Variants in SYCP2 observed in about 807,000 individuals in gnomAD.
SYCP2 encodes synaptonemal complex lateral element protein.
In SYCP2, 55 loss-of-function variants were observed where a neutral mutation model predicts 211.3. The ratio of observed to expected loss-of-function variants is 0.26; its 90% CI spans 0.21 to 0.33. The LOEUF is 0.33. SYCP2 is among the 10% of genes least tolerant of loss of function. SYCP2 has a pLI of 1.00. For synonymous variants in SYCP2, 570 were observed against 555.2 expected, an observed-to-expected ratio of 1.03 and a Z score of -0.37; for missense variants, 1,731 against 1,752.0, an observed-to-expected ratio of 0.99 and a Z score of 0.21.
chr20:59,899,294 A>G (rs1568950437), intron 18 of SYCP2, among the ~76,000 whole-genome samples: 1 of 152,246 alleles, frequency 6.6e-6, no homozygotes, highest in Non-Finnish European at 1.5e-5. Context: ...GAACAGTAGT[A>G]TTACTGAAAT....
Position 59,910,374 on chromosome 20 carries a change from A to ATTTTTTTTT in SYCP2, c.972+1367_972+1375dup, listed in dbSNP as rs898302276. 2.6e-3 allele frequency among the ~76,000 whole-genome samples: 198 copies of ATTTTTTTTT among 76,232 alleles called. 27 individuals carry two copies. The highest frequency in any genetic ancestry group is 7.9e-3 in the African/African-American group (133 of 16,900). The allele number at this position is 76,232 out of a possible 152,430, so 50.0% of individuals were successfully genotyped here. A position where few individuals can be genotyped will look rare whatever the true frequency, so the allele number is the denominator to read the frequency against. On this transcript the variant is annotated intron_variant, in intron 14 of 44. Coordinates refer to ENST00000357552, the MANE Select transcript of SYCP2 (RefSeq NM_014258.4). ...GTATACTGCTATAGTGTAATTGCTT[A>ATTTTTTTTT]TTTTTTTTTTTTTTTTTTTTTTTTT...
In SYCP2 at chr20:59,915,193, A is replaced by G. The variant is rs2060413611; in HGVS notation, c.606T>C (p.Ser202=). Residue 202 remains serine, a synonymous_variant, in exon 10 of 45, where the codon AGT becomes AGC. Coordinates refer to ENST00000357552, the MANE Select transcript of SYCP2 (RefSeq NM_014258.4). The part of the protein sequence containing the change: ...SNQEMLILMS[S]MGERILDAGD... Reference sequence around the variant, plus strand: ...CAGCATCTAAAATCCTTTCTCCCATACTACTCCTGTGAATTAAAATAACAG... The same window carrying G: ...CAGCATCTAAAATCCTTTCTCCCATGCTACTCCTGTGAATTAAAATAACAG... The G allele has an allele frequency of 2.5e-6, 4 of 1,579,238 alleles. No homozygotes were observed. The highest frequency in any genetic ancestry group is 3.3e-4 in the Middle Eastern group (2 of 5,976).
chr20:59,896,646 AAAC>A (rs2060013972), intron 18 of SYCP2, 118 bp from the exon 19 acceptor site: 1 of 578,252 alleles, frequency 1.7e-6, no homozygotes, highest in African/African-American at 1.9e-5. Flanking sequence ...TTTTTTAAAT[AAAC>A]AACACAATAT....
At chr20:59,927,010 T>C (rs2060645655) in intron 2 of SYCP2, among the ~76,000 whole-genome samples, 1 of 152,178 alleles carries the variant, frequency 6.6e-6, no homozygotes, top group African/African-American at 2.4e-5. Context: ...ACTTTGGCAT[T>C]GGACAAACAG....
rs2059334375 is a variant in SYCP2, at chr20:59,866,397, T to C, written c.4221-5A>G. On this transcript the variant is annotated splice_polypyrimidine_tract_variant and splice_region_variant and intron_variant, in intron 40 of 44. Transcript: ENST00000357552. ...AATTTATCAAGTTTTTTAATCCTATTACAGAAACAAAATGAGATTAATTTT... is the reference window on the plus strand; with the variant it reads ...AATTTATCAAGTTTTTTAATCCTATCACAGAAACAAAATGAGATTAATTTT... 6.4e-7 allele frequency: 1 copy of C among 1,570,666 alleles called. No individual in the cohort carries two copies. The highest frequency in any genetic ancestry group is 8.7e-7 in the Non-Finnish European group (1 of 1,152,966).
intron 2 of SYCP2, among the ~76,000 whole-genome samples, chr20:59,922,670 C>T (rs1302326562): frequency 6.6e-6 from 1 of 151,676 alleles, no homozygotes; most frequent in Non-Finnish European, 1.5e-5. Context: ...TCAAGCTCTT[C>T]CTTTTTATAG....
chr20:59,869,639 A>T (rs563057154), intron 36 of SYCP2, among the ~76,000 whole-genome samples, 159 bp downstream of exon 36: 1 of 151,746 alleles, frequency 6.6e-6, no homozygotes, highest in Non-Finnish European at 1.5e-5. Flanking sequence ...ATATTTTTCT[A>T]TGATCAAGCC....
chr20:59,884,463 C>T (rs1229980069), intron 26 of SYCP2, among the ~76,000 whole-genome samples: 1 of 151,928 alleles, frequency 6.6e-6, no homozygotes, highest in Non-Finnish European at 1.5e-5. Context: ...GATTAAATAT[C>T]ACTAAATAAT....
In SYCP2 at chr20:59,929,289, C is replaced by T. The variant is rs186488351; in HGVS notation, c.-47+2773G>A. 8.0e-5 allele frequency among the ~76,000 whole-genome samples: 12 copies of T among 150,346 alleles called. No individual in the cohort carries two copies. In the East Asian group the frequency reaches 2.3e-3, roughly 29 times the overall value. On this transcript the variant is annotated intron_variant, in intron 2 of 44. Transcript: ENST00000357552. The stretch of plus-strand genomic sequence containing the variant: ...AGTGGGAATAAAGGAAATTGGAAAT[C>T]ATGTATGTACTCCTGGTGGGAAGCA...
chr20:59,867,033 A>G (rs1348635323), intron 39 of SYCP2, among the ~76,000 whole-genome samples: 1 of 141,790 alleles, frequency 7.1e-6, no homozygotes, highest in Non-Finnish European at 1.5e-5. Context: ...AAAAAAAAAA[A>G]AAGAAACAGA....
In SYCP2 at chr20:59,915,219, AT is replaced by A; in HGVS notation, c.600-21del. ...CTACTCCTGTGAATTAAAATAACAG[AT>A]TACAAAATAGACCAGTATCAATTAA... On this transcript the variant is annotated intron_variant, in intron 9 of 44. Coordinates refer to ENST00000357552, the MANE Select transcript of SYCP2 (RefSeq NM_014258.4). The A allele has an allele frequency of 6.5e-7, 1 of 1,540,374 alleles. No homozygotes were observed. The highest frequency in any genetic ancestry group is 9.0e-7 in the Non-Finnish European group (1 of 1,116,888).
chr20:59,932,483 C>T lies in SYCP2; in HGVS notation c.-139-329G>A, dbSNP rs185015810. Among the ~76,000 whole-genome samples the T allele has an allele frequency of 5.0e-3, 756 of 152,136 alleles. 5 individuals carry two copies. Among genetic ancestry groups the T allele is most frequent in the African/African-American group, 0.017 (717 of 41,504 alleles). ...CTGAGGTCAGGAGTTCGAGACCAGC[C>T]GGGCCAACATGGAGAAAACCCGTCT... On this transcript the variant is annotated intron_variant, in intron 1 of 44. Coordinates refer to ENST00000357552, the MANE Select transcript of SYCP2 (RefSeq NM_014258.4).
chr20:59,898,602 C>A (rs2060055734), intron 18 of SYCP2, among the ~76,000 whole-genome samples: 1 of 152,036 alleles, frequency 6.6e-6, no homozygotes, highest in Non-Finnish European at 1.5e-5. Context: ...AGGAGAAATA[C>A]CTAATGTAGA....
intron 31 of SYCP2, among the ~76,000 whole-genome samples, chr20:59,879,576 A>C (rs1162857027): frequency 6.6e-6 from 1 of 151,604 alleles, no homozygotes; most frequent in African/African-American, 2.4e-5. Context: ...AGCTATGAAA[A>C]TGGTAATTCT....
intron 37 of SYCP2, 131 bp from the exon 38 acceptor site, chr20:59,868,699 T>TCA: frequency 8.0e-7 from 1 of 1,248,794 alleles, no homozygotes; most frequent in East Asian, 2.6e-5. Context: ...AATTATGCAT[T>TCA]CAATTCTACC....
At chr20:59,891,675 G>A (rs949450107) in intron 24 of SYCP2, among the ~76,000 whole-genome samples, 1 of 151,944 alleles carries the variant, frequency 6.6e-6, no homozygotes, top group African/African-American at 2.4e-5. Flanking sequence ...AGAAAGGTAG[G>A]AATTATAAGA....
chr20:59,866,902 C>A (rs374483986), intron 39 of SYCP2, among the ~76,000 whole-genome samples: 2 of 149,090 alleles, frequency 1.3e-5, no homozygotes, highest in African/African-American at 2.5e-5. Context: ...CTAAAAGTCA[C>A]ACTCAGAATT....
intron 14 of SYCP2, among the ~76,000 whole-genome samples, 174 bp downstream of exon 14, chr20:59,911,576 G>A (rs1250685058): frequency 1.3e-5 from 2 of 152,076 alleles, no homozygotes; most frequent in African/African-American, 4.8e-5. Flanking sequence ...ATCAGAAGTA[G>A]TTTTCATTTA....
chr20:59,886,630 A>C (rs2059794097), intron 25 of SYCP2, 77 bp downstream of exon 25: 1 of 1,127,108 alleles, frequency 8.9e-7, no homozygotes, highest in Non-Finnish European at 1.2e-6. Flanking sequence ...CCTATGTTTA[A>C]AATTAACCTT....
Sources: gnomAD v4.1 joint callset for allele counts (sites outside exome capture counted in the v4.1 genomes callset) on GRCh38, gnomAD v4.1.1 for gene constraint, MANE v1.5 for transcripts, NCBI Gene and HGNC (gene_info 2026-07-23, HGNC 2026-07-21) for gene names.